Variants in RIT2 observed in about 807,000 individuals in gnomAD.
RIT2 encodes GTP-binding protein Rit2.
RIT2 carries 24 observed loss-of-function variants against 23.7 expected under a neutral mutation model. The ratio of observed to expected loss-of-function variants is 1.01; its 90% CI spans 0.73 to 1.43. RIT2 has a LOEUF of 1.43. RIT2 is among the 40% of genes most tolerant of loss of function. The pLI is 0.00. For synonymous variants in RIT2, 107 were observed against 91.1 expected (o/e 1.17, Z -0.99); for missense variants, 236 against 266.9 (o/e 0.88, Z 0.81).
intron 4 of RIT2, chr18:42,920,673 A>C (rs1909032235): frequency 6.5e-7 from 1 of 1,540,644 alleles, no homozygotes; most frequent in Non-Finnish European, 8.9e-7. Context: ...AAAATGCATT[A>C]AGAATACAGG....
chr18:43,072,315 G>A (rs1912917741), intron 1 of RIT2, among the ~76,000 whole-genome samples: 1 of 152,038 alleles, frequency 6.6e-6, no homozygotes, highest in African/African-American at 2.4e-5. Context: ...TTCCTGAGCA[G>A]TTCACCAAGA....
intron 4 of RIT2, among the ~76,000 whole-genome samples, chr18:42,904,476 T>A (rs1908559630): frequency 6.6e-6 from 1 of 152,120 alleles, no homozygotes; most frequent in Non-Finnish European, 1.5e-5. Flanking sequence ...GCAGCAGTGA[T>A]CACTTGGGCA....
At chr18:43,034,648 G>T (rs1911934800) in intron 1 of RIT2, among the ~76,000 whole-genome samples, 1 of 151,924 alleles carries the variant, frequency 6.6e-6, no homozygotes, top group South Asian at 2.1e-4. Context: ...CTCTCTCCTT[G>T]AGCAAATTTT....
chr18:43,089,426 A>G, intron 1 of RIT2, among the ~76,000 whole-genome samples: 1 of 152,228 alleles, frequency 6.6e-6, no homozygotes, highest in East Asian at 1.9e-4. Flanking sequence ...GAAATCAGAG[A>G]TGACATAAAC....
At chr18:43,114,928 C>T (rs927262299) in intron 1 of RIT2, among the ~76,000 whole-genome samples, 1 of 152,108 alleles carries the variant, frequency 6.6e-6, no homozygotes, top group Non-Finnish European at 1.5e-5. Context: ...CCACACACAC[C>T]ATGTCAGACT....
intron 2 of RIT2, among the ~76,000 whole-genome samples, chr18:43,030,953 C>A (rs1012853752): frequency 1.3e-5 from 2 of 152,056 alleles, no homozygotes; most frequent in African/African-American, 4.8e-5. Flanking sequence ...ATTCATCTTT[C>A]TCTCACAGAA....
chr18:42,895,742 T>C (rs139102029), intron 4 of RIT2, among the ~76,000 whole-genome samples: 1,601 of 152,308 alleles, frequency 0.011, 17 homozygotes, highest in African/African-American at 0.036. Flanking sequence ...TCCTCTTGCA[T>C]AGAGTGCAAA....
At chr18:43,082,038 T>C (rs1488372654) in intron 1 of RIT2, among the ~76,000 whole-genome samples, 1 of 152,102 alleles carries the variant, frequency 6.6e-6, no homozygotes, top group East Asian at 1.9e-4. Context: ...ACTTTTTTTG[T>C]TGGTAGGTTA....
At chr18:42,950,043 T>C (rs1909813472) in intron 3 of RIT2, among the ~76,000 whole-genome samples, 1 of 152,140 alleles carries the variant, frequency 6.6e-6, no homozygotes, top group Non-Finnish European at 1.5e-5. Flanking sequence ...ATGAGGCTTG[T>C]ACCCAAAACT....
chr18:43,069,370 A>T (rs1234835765), intron 1 of RIT2, among the ~76,000 whole-genome samples: 1 of 152,082 alleles, frequency 6.6e-6, no homozygotes, highest in African/African-American at 2.4e-5. Context: ...CTCGCTCTGA[A>T]TTCTTTCTTG....
intron 4 of RIT2, among the ~76,000 whole-genome samples, chr18:42,820,822 A>G (rs1906127922): frequency 6.6e-6 from 1 of 152,084 alleles, no homozygotes; most frequent in Non-Finnish European, 1.5e-5. Flanking sequence ...GGACACTGAT[A>G]TAGTTTGGGT....
intron 2 of RIT2, among the ~76,000 whole-genome samples, chr18:43,015,440 C>T (rs1355143816): frequency 6.6e-6 from 1 of 151,574 alleles, no homozygotes; most frequent in Non-Finnish European, 1.5e-5. Context: ...GAACATCCAA[C>T]TAGAAATGTC....
intron 2 of RIT2, among the ~76,000 whole-genome samples, chr18:42,979,888 A>C (rs991170275): frequency 4.6e-5 from 7 of 152,152 alleles, no homozygotes; most frequent in African/African-American, 1.7e-4. Flanking sequence ...TGAGTGCTAC[A>C]TTAGAAGTAC....
At chr18:42,839,412 T>G (rs1055308919) in intron 4 of RIT2, among the ~76,000 whole-genome samples, 2 of 152,176 alleles carry the variant, frequency 1.3e-5, no homozygotes, top group African/African-American at 4.8e-5. Context: ...TAATCTAAAC[T>G]ATTTCCCTCA....
At chr18:43,087,137 C>T (rs1262489174) in intron 1 of RIT2, among the ~76,000 whole-genome samples, 1 of 151,920 alleles carries the variant, frequency 6.6e-6, no homozygotes, top group Non-Finnish European at 1.5e-5. Flanking sequence ...GTCCCAGCTA[C>T]ATTCTGAGGT....
At chr18:43,003,968 CTCTGCTT>C (rs1911168511) in intron 2 of RIT2, among the ~76,000 whole-genome samples, 1 of 148,012 alleles carries the variant, frequency 6.8e-6, no homozygotes, top group African/African-American at 2.5e-5. Flanking sequence ...TTCATTCTTT[CTCTGCTT>C]TTTCTGTACT....
intron 2 of RIT2, among the ~76,000 whole-genome samples, chr18:43,018,263 T>G (rs1911519307): frequency 6.6e-6 from 1 of 152,016 alleles, no homozygotes; most frequent in African/African-American, 2.4e-5. Context: ...CAATTGACTG[T>G]GACACTATTA....
intron 4 of RIT2, among the ~76,000 whole-genome samples, chr18:42,897,795 T>C (rs370465848): frequency 2.6e-5 from 4 of 152,312 alleles, no homozygotes; most frequent in South Asian, 2.1e-4. Context: ...TGGTCTAGCA[T>C]CATTCAAAAA....
At chr18:42,787,057 T>C (rs551510008) in intron 4 of RIT2, among the ~76,000 whole-genome samples, 1 of 152,128 alleles carries the variant, frequency 6.6e-6, no homozygotes, top group South Asian at 2.1e-4. Flanking sequence ...AAGGGCTTCC[T>C]TACAGAAACT....
Sources: allele counts gnomAD v4.1 joint callset (sites outside exome capture counted in the v4.1 genomes callset), GRCh38; gene constraint gnomAD v4.1.1; transcripts MANE v1.5; gene names NCBI Gene and HGNC (gene_info 2026-07-23, HGNC 2026-07-21).